Variants in GRM8 observed in about 807,000 individuals in gnomAD.
GRM8 encodes the protein glutamate metabotropic receptor 8.
GRM8 carries 47 observed loss-of-function variants against 87.2 expected under a neutral mutation model. The observed-to-expected ratio is 0.54, with a 90% CI of 0.43 to 0.69. GRM8 has a LOEUF of 0.69. Ranked by LOEUF, GRM8 falls within the 30% of genes least tolerant of loss-of-function variation. GRM8 has a pLI of 0.00. For synonymous variants in GRM8, 396 were observed against 404.5 expected (o/e 0.98, Z 0.25); for missense variants, 1,019 against 1,139.2 (o/e 0.89, Z 1.52).
rs368787098 is a variant in GRM8 at position 126,508,840 on chromosome 7, T to C, written c.2430+24112A>G. ...TTAGAGGAACTTTTCAATCCTAGAATGGCATAAAATATATGAAGCTCTGTC... is the reference window on the plus strand; with the variant it reads ...TTAGAGGAACTTTTCAATCCTAGAACGGCATAAAATATATGAAGCTCTGTC... On this transcript the variant is annotated intron_variant, in intron 9 of 10. Coordinates refer to ENST00000339582, the MANE Select transcript of GRM8 (RefSeq NM_000845.3). 5.6e-4 allele frequency among the ~76,000 whole-genome samples: 85 copies of C among 152,178 alleles called. 4 individuals are homozygous for C. The highest frequency in any genetic ancestry group is 3.3e-3 in the East Asian group (17 of 5,138).
At chr7:127,182,848 A>T (rs1308522391) in intron 2 of GRM8, among the ~76,000 whole-genome samples, 1 of 151,872 alleles carries the variant, frequency 6.6e-6, no homozygotes, top group African/African-American at 2.4e-5. Flanking sequence ...CTAAGCTATG[A>T]GGACAAAAAG....
At position 126,814,246 on chromosome 7, in the gene GRM8, A is replaced by G. The variant is rs551654100; in HGVS notation, c.1157-44181T>C. ...AGATTGACTTCTTAACTTGTTTACA[A>G]TCCTTTCCTACACAGCCTCTTTATG... On this transcript the variant is annotated intron_variant, in intron 6 of 10. Coordinates refer to ENST00000339582, the MANE Select transcript of GRM8 (RefSeq NM_000845.3). 8.0e-4 allele frequency among the ~76,000 whole-genome samples: 122 copies of G among 152,174 alleles called. 1 individual carries two copies. The highest frequency in any genetic ancestry group is 1.6e-3 in the Non-Finnish European group (107 of 67,968).
chr7:126,475,928 A>G (rs2150574143), intron 9 of GRM8, among the ~76,000 whole-genome samples: 1 of 152,276 alleles, frequency 6.6e-6, no homozygotes, highest in Admixed American at 6.5e-5. Context: ...AATGAAATTG[A>G]AGTTTTATCT....
Position 127,242,826 on chromosome 7 carries a change from C to T in GRM8, c.379G>A (p.Asp127Asn). ...TTAGCACACTTCACATCCGAAGCATCTTTCTCTATTAATGCCTGCACGAAT... is the reference window on the plus strand; with the variant it reads ...TTAGCACACTTCACATCCGAAGCATTTTTCTCTATTAATGCCTGCACGAAT... ...LTFVQALIEK[D>N]ASDVKCANGD... The change falls in exon 2 of 11, where the codon GAT becomes AAT. Residue 127 changes from aspartate (D) to asparagine (N), a missense_variant. Coordinates refer to ENST00000339582, the MANE Select transcript of GRM8 (RefSeq NM_000845.3). 1 of 1,614,188 alleles carries T rather than the reference C, an allele frequency of 6.2e-7. No homozygotes were observed. The highest frequency in any genetic ancestry group is 8.5e-7 in the Non-Finnish European group (1 of 1,180,046).
At chr7:126,990,472 G>T (rs1178309159) in intron 3 of GRM8, among the ~76,000 whole-genome samples, 1 of 152,136 alleles carries the variant, frequency 6.6e-6, no homozygotes, top group Non-Finnish European at 1.5e-5. Context: ...CAAACTCAAT[G>T]GGAATGGTGG....
chr7:126,739,991 G>A (rs1323519530), intron 7 of GRM8, among the ~76,000 whole-genome samples: 2 of 151,990 alleles, frequency 1.3e-5, no homozygotes, highest in Non-Finnish European at 2.9e-5. Context: ...TATGATGTTT[G>A]CACAGTGACA....
At chr7:127,057,949 C>T in intron 3 of GRM8, 1 of 231,526 alleles carries the variant, frequency 4.3e-6, no homozygotes. Context: ...TAAAAAGAGC[C>T]ATAATTCATG....
At chr7:126,512,548 C>T (rs535936428) in intron 9 of GRM8, 2 of 152,314 alleles carry the variant, frequency 1.3e-5, no homozygotes, top group South Asian at 4.1e-4. Context: ...TGCTCCAAAT[C>T]CTAGGCTGTG....
intron 8 of GRM8, among the ~76,000 whole-genome samples, chr7:126,541,444 T>C (rs1816526529): frequency 6.6e-6 from 1 of 152,144 alleles, no homozygotes; most frequent in Non-Finnish European, 1.5e-5. Flanking sequence ...TGTGAGATCA[T>C]GAAGGGCCTT....
intron 2 of GRM8, among the ~76,000 whole-genome samples, chr7:127,127,605 A>C (rs971408280): frequency 1.3e-5 from 2 of 152,100 alleles, no homozygotes; most frequent in African/African-American, 4.8e-5. Context: ...GTGAGAAAAT[A>C]GATCAGTGAT....
intron 2 of GRM8, among the ~76,000 whole-genome samples, chr7:127,137,799 T>TA (rs1447640754): frequency 6.6e-6 from 1 of 152,156 alleles, no homozygotes; most frequent in African/African-American, 2.4e-5. Context: ...TATTTCTGGG[T>TA]AAAAAGTTAA....
At chr7:126,898,170 G>T (rs114149565) in intron 6 of GRM8, among the ~76,000 whole-genome samples, 2,398 of 152,210 alleles carry the variant, frequency 0.016, 56 homozygotes, top group African/African-American at 0.054. Flanking sequence ...TTAACTTTTT[G>T]ACTTATTGCA....
chr7:126,795,967 C>G (rs1821903545), intron 6 of GRM8, among the ~76,000 whole-genome samples: 1 of 151,916 alleles, frequency 6.6e-6, no homozygotes, highest in African/African-American at 2.4e-5. Context: ...AATAAAACAT[C>G]AATATATGAA....
In GRM8 at chr7:126,882,216, T is replaced by C. The variant is rs184855689; in HGVS notation, c.1156+20326A>G. On this transcript the variant is annotated intron_variant, in intron 6 of 10. Transcript: ENST00000339582. ...TTAAGTACACAAACAGGTTTTTTTT[T>C]TCCCTGTCAGTTTGCATCTAGCTTC... Among the ~76,000 whole-genome samples the C allele has an allele frequency of 2.1e-3, 313 of 152,310 alleles. 1 individual carries two copies. The highest frequency in any genetic ancestry group is 3.6e-3 in the Non-Finnish European group (247 of 68,030).
At chr7:126,484,006 C>A (rs1463179177) in intron 9 of GRM8, among the ~76,000 whole-genome samples, 1 of 151,978 alleles carries the variant, frequency 6.6e-6, no homozygotes, top group Admixed American at 6.6e-5. Context: ...ATCACAGGTA[C>A]TTTTGGAAAA....
chr7:126,904,567 C>A lies in GRM8; in HGVS notation c.844G>T (p.Ala282Ser). The A allele has an allele frequency of 6.2e-7, 1 of 1,613,704 alleles. No homozygotes were observed. The highest frequency in any genetic ancestry group is 8.5e-7 in the Non-Finnish European group (1 of 1,179,680). Residue 282 changes from alanine to serine, a missense_variant, in exon 4 of 11, where the codon GCC becomes TCC. Physicochemically the swap from Ala to Ser is moderately conservative, Grantham distance 99. Coordinates refer to ENST00000339582, the MANE Select transcript of GRM8 (RefSeq NM_000845.3). ...TPNARAVIMFANEDDIRRILE... is the reference protein window; with the variant it reads ...TPNARAVIMFSNEDDIRRILE... ...CAGCACCTGATGTCATCCTCATTGG[C>A]AAACATAATCACTGCTCGAGCATTA...
At chr7:127,102,478 G>A (rs1825378944) in intron 3 of GRM8, among the ~76,000 whole-genome samples, 1 of 152,176 alleles carries the variant, frequency 6.6e-6, no homozygotes, top group Non-Finnish European at 1.5e-5. Context: ...GCCAGGTCCA[G>A]GGCCCCACTG....
intron 3 of GRM8, among the ~76,000 whole-genome samples, chr7:127,027,156 G>A (rs1816868561): frequency 6.6e-6 from 1 of 151,992 alleles, no homozygotes; most frequent in Non-Finnish European, 1.5e-5. Flanking sequence ...GATGTGTGGT[G>A]TTATTTCTGA....
intron 3 of GRM8, among the ~76,000 whole-genome samples, chr7:126,929,735 T>C (rs1805540342): frequency 6.6e-6 from 1 of 151,610 alleles, no homozygotes; most frequent in Non-Finnish European, 1.5e-5. Flanking sequence ...TTTCCAGCCT[T>C]AAATTTAAAT....
Sources: allele counts gnomAD v4.1 joint callset (sites outside exome capture counted in the v4.1 genomes callset), GRCh38; gene constraint gnomAD v4.1.1; transcripts MANE v1.5; gene names NCBI Gene and HGNC (gene_info 2026-07-23, HGNC 2026-07-21).